BID: variants seen among roughly 807,000 people sequenced by gnomAD.
The protein encoded by BID is BH3 interacting domain death agonist, also known as BH3-interacting domain death agonist.
Under a neutral mutation model 17.4 loss-of-function variants are expected in BID, and 19 were observed. The ratio of observed to expected loss-of-function variants is 1.09; its 90% CI spans 0.76 to 1.60. The LOEUF (loss-of-function observed/expected upper bound fraction) is 1.60. Among genes scored for constraint, BID ranks in the 40% most tolerant of loss-of-function variants. The probability of loss-of-function intolerance (pLI) is 0.00; values close to 1 mark genes in which losing one functional copy is unlikely to be tolerated. For missense variants in BID, 226 were observed against 256.0 expected (o/e 0.88, Z 0.80); for synonymous variants, 108 against 102.8 (o/e 1.05, Z -0.31).
At chr22:17,756,292 GA>G (rs1356440872) in intron 1 of BID, among the ~76,000 whole-genome samples, 1 of 152,224 alleles carries the variant, frequency 6.6e-6, no homozygotes, top group Non-Finnish European at 1.5e-5. Context: ...GGGGAAACTG[GA>G]AATGCGTTGA....
In BID at chr22:17,740,291, G is replaced by A. The variant is rs1347206333; in HGVS notation, c.224-803C>T. On this transcript the variant is annotated intron_variant, in intron 3 of 5. Transcript: ENST00000622694. The stretch of plus-strand genomic sequence containing the variant: ...GTAGGTGCTCAATAAACAATGGCAG[G>A]GACCAGGTGTGGTCATGCATGCCTG... 3.2e-6 allele frequency: 3 copies of A among 929,684 alleles called. No individual in the cohort carries two copies. In the African/African-American group the frequency reaches 4.9e-5, roughly 15 times the overall value. 57.6% of individuals were successfully genotyped at this position (929,684 alleles called of 1,614,324 possible). A position where few individuals can be genotyped will look rare whatever the true frequency, so the allele number is the denominator to read the frequency against.
intron 1 of BID, among the ~76,000 whole-genome samples, chr22:17,754,390 C>T (rs1264792596): frequency 1.3e-5 from 2 of 152,392 alleles, no homozygotes; most frequent in African/African-American, 2.4e-5. Flanking sequence ...GCCCTGGTTT[C>T]GGAGACACGA....
intron 2 of BID, among the ~76,000 whole-genome samples, chr22:17,749,079 G>C (rs1290756790): frequency 6.6e-6 from 1 of 152,204 alleles, no homozygotes; most frequent in Admixed American, 6.5e-5. Context: ...CCATGCTCAG[G>C]AACTGCGACA....
At chr22:17,759,149 T>G (rs1370818370) in intron 1 of BID, among the ~76,000 whole-genome samples, 1 of 148,788 alleles carries the variant, frequency 6.7e-6, no homozygotes, top group Non-Finnish European at 1.5e-5. Flanking sequence ...GAGAATCACT[T>G]GAACCCGGGA....
At chr22:17,753,432 G>A (rs1430201563) in intron 1 of BID, among the ~76,000 whole-genome samples, 5 of 152,328 alleles carry the variant, frequency 3.3e-5, no homozygotes, top group South Asian at 4.1e-4. Context: ...ACATGAGGCC[G>A]CCTCCCCTAG....
chr22:17,749,004 TC>T (rs2061517040), intron 2 of BID, among the ~76,000 whole-genome samples: 1 of 152,082 alleles, frequency 6.6e-6, no homozygotes, highest in African/African-American at 2.4e-5. Flanking sequence ...ATCCACACCG[TC>T]CCCACCTTTG....
chr22:17,737,658 T>A (rs1354535099), intron 5 of BID, among the ~76,000 whole-genome samples: 1 of 152,186 alleles, frequency 6.6e-6, no homozygotes, highest in Non-Finnish European at 1.5e-5. Context: ...TTACACTTAT[T>A]TTTTATGGCA....
intron 1 of BID, among the ~76,000 whole-genome samples, chr22:17,758,129 T>C (rs968954036): frequency 6.6e-6 from 1 of 152,218 alleles, no homozygotes; most frequent in Non-Finnish European, 1.5e-5. Flanking sequence ...TGTTTGTACA[T>C]TCAGTCTCAT....
rs370139295 is a variant in BID at position 17,739,496 on chromosome 22, C to T, written c.224-8G>A. On this transcript the variant is annotated splice_polypyrimidine_tract_variant and splice_region_variant and intron_variant, in intron 3 of 5. Transcript: ENST00000622694. ...CTTCTTGACTTTCAGAATCTGTGTT[C>T]AGGCAGGGGCGGCAGAGACAGAGCA... is the stretch of plus-strand genomic sequence containing the variant. 7.0e-5 allele frequency: 112 copies of T among 1,609,484 alleles called. No individual in the cohort carries two copies. In the African/African-American group the frequency reaches 1.3e-3, roughly 19 times the overall value.
intron 1 of BID, among the ~76,000 whole-genome samples, chr22:17,750,625 G>A (rs2061531004): frequency 2.0e-5 from 3 of 152,110 alleles, no homozygotes; most frequent in Admixed American, 1.3e-4. Context: ...TCAGGAGATC[G>A]AGACCACCCT....
chr22:17,737,315 T>TC (rs550647380), intron 5 of BID, among the ~76,000 whole-genome samples: 3 of 151,820 alleles, frequency 2.0e-5, no homozygotes, highest in African/African-American at 7.3e-5. Context: ...TTCAGACAGT[T>TC]CCCCCCCTTT....
chr22:17,753,256 G>A (rs1174837462), intron 1 of BID, among the ~76,000 whole-genome samples: 3 of 152,152 alleles, frequency 2.0e-5, no homozygotes, highest in Non-Finnish European at 2.9e-5. Context: ...GTGAACCACC[G>A]CGCCCAGCCC....
At position 17,735,544 on chromosome 22, in the gene BID, C is replaced by A. The variant is rs758207864; in HGVS notation, c.*36G>T. 1.9e-6 allele frequency: 3 copies of A among 1,613,806 alleles called. No homozygotes were observed. Among genetic ancestry groups the A allele is most frequent in the Admixed American group, 3.3e-5 (2 of 60,002 alleles). On this transcript the variant is annotated 3_prime_UTR_variant, in exon 6 of 6. Coordinates refer to ENST00000622694, the MANE Select transcript of BID (RefSeq NM_001196.4). ...AGCAGCTATACAGCTGTGACCACAT[C>A]GAGCTTTAGCCAGTCACACTTCTGG...
chr22:17,750,056 C>G, intron 2 of BID, 49 bp downstream of exon 2: 1 of 1,579,684 alleles, frequency 6.3e-7, no homozygotes, highest in South Asian at 1.1e-5. Context: ...GGCCCTTACC[C>G]CTCGACCCCG....
Position 17,766,123 on chromosome 22 carries a change from C to T in BID, c.-59+8258G>A, listed in dbSNP as rs1202739422. Among the ~76,000 whole-genome samples the T allele has an allele frequency of 1.3e-5, 2 of 151,974 alleles. 1 individual carries two copies. Among genetic ancestry groups the T allele is most frequent in the African/African-American group, 4.8e-5 (2 of 41,364 alleles). On this transcript the variant is annotated intron_variant, in intron 1 of 5. Coordinates refer to ENST00000622694, the MANE Select transcript of BID (RefSeq NM_001196.4). Reference sequence around the variant, plus strand: ...ATTTTTTGTAGAGTCAAGGTCTTGCCATGTTGCCCAGGCTGGTATCGAGCT... The same window carrying T: ...ATTTTTTGTAGAGTCAAGGTCTTGCTATGTTGCCCAGGCTGGTATCGAGCT...
At chr22:17,756,873 G>T (rs891487155) in intron 1 of BID, among the ~76,000 whole-genome samples, 1 of 151,946 alleles carries the variant, frequency 6.6e-6, no homozygotes, top group Non-Finnish European at 1.5e-5. Flanking sequence ...TATGCCGGCC[G>T]CAAAGGATTC....
chr22:17,744,014 C>T lies in BID; in HGVS notation c.13-1G>A. The T allele has an allele frequency of 3.1e-6, 5 of 1,612,986 alleles. No homozygotes were observed. The highest frequency in any genetic ancestry group is 4.2e-6 in the Non-Finnish European group (5 of 1,179,320). ...CCCTGAGGCTGGAACCGTTGTTGACCTGAGGGGAAAGGGGAGTCAGGAAGC... is the reference window on the plus strand; with the variant it reads ...CCCTGAGGCTGGAACCGTTGTTGACTTGAGGGGAAAGGGGAGTCAGGAAGC... On this transcript the variant is annotated splice_acceptor_variant, in intron 2 of 5. Coordinates refer to ENST00000622694, the MANE Select transcript of BID (RefSeq NM_001196.4). LOFTEE classifies it high-confidence loss of function.
intron 1 of BID, among the ~76,000 whole-genome samples, chr22:17,752,259 G>T (rs546226930): frequency 1.7e-4 from 26 of 152,280 alleles, no homozygotes; most frequent in South Asian, 4.1e-4. Flanking sequence ...GGATACCCAG[G>T]AAATATCTGG....
intron 1 of BID, among the ~76,000 whole-genome samples, chr22:17,767,445 GC>G (rs1322999308): frequency 6.6e-6 from 1 of 152,100 alleles, no homozygotes; most frequent in Admixed American, 6.6e-5. Flanking sequence ...TACAACTTCA[GC>G]CCCAGGGCAA....
Sources: allele counts gnomAD v4.1 joint callset (sites outside exome capture counted in the v4.1 genomes callset), GRCh38; gene constraint gnomAD v4.1.1; transcripts MANE v1.5; gene names NCBI Gene and HGNC (gene_info 2026-07-23, HGNC 2026-07-21).